NTM: variants seen among roughly 807,000 people sequenced by gnomAD.
NTM encodes the protein neurotrimin, also known as IgLON family member 2.
In NTM, 13 loss-of-function variants were observed where a neutral mutation model predicts 42.1. That is an observed-to-expected ratio of 0.31 (90% CI 0.20 to 0.49). NTM has a LOEUF of 0.49. Among genes scored for constraint, NTM ranks in the 20% least tolerant of loss-of-function variants. The probability of loss-of-function intolerance (pLI) is 0.99; values close to 1 mark genes in which losing one functional copy is unlikely to be tolerated. For missense variants in NTM, 373 were observed against 452.8 expected (o/e 0.82, Z 1.60); for synonymous variants, 187 against 179.2 (o/e 1.04, Z -0.35).
At chr11:131,816,963 T>C (rs2092978708) in intron 1 of NTM, among the ~76,000 whole-genome samples, 1 of 152,188 alleles carries the variant, frequency 6.6e-6, no homozygotes, top group African/African-American at 2.4e-5. Flanking sequence ...ATATTTTACT[T>C]AATCTTCCCT....
intron 3 of NTM, among the ~76,000 whole-genome samples, chr11:132,151,871 C>G (rs1651238725): frequency 6.6e-6 from 1 of 152,188 alleles, no homozygotes; most frequent in African/African-American, 2.4e-5. Flanking sequence ...AGACACCCAG[C>G]CCAGGCAGTG....
intron 2 of NTM, among the ~76,000 whole-genome samples, chr11:132,073,143 C>A (rs2057921137): frequency 6.6e-6 from 1 of 152,140 alleles, no homozygotes; most frequent in African/African-American, 2.4e-5. Context: ...TTTGGCAGTT[C>A]TCTAGGCTAA....
At chr11:132,317,340 CCTTTGTTA>C (rs947024121) in intron 7 of NTM, among the ~76,000 whole-genome samples, 11 of 152,116 alleles carry the variant, frequency 7.2e-5, no homozygotes, top group Admixed American at 6.5e-4. Context: ...AAACTTTAGT[CCTTTGTTA>C]TCCAGTTAGT....
intron 2 of NTM, among the ~76,000 whole-genome samples, chr11:132,103,575 T>C (rs2136604332): frequency 6.6e-6 from 1 of 152,384 alleles, no homozygotes; most frequent in South Asian, 2.1e-4. Context: ...CAGTTACATA[T>C]GGCTGGGGCA....
chr11:132,336,698 G>A lies in NTM; in HGVS notation c.*1552G>A, dbSNP rs750288933. 1 of 151,356 alleles carries A rather than the reference G, an allele frequency of 6.6e-6. No individual in the cohort carries two copies. The highest frequency in any genetic ancestry group is 1.5e-5 in the Non-Finnish European group (1 of 67,782). The allele number at this position is 151,356 out of a possible 1,614,324, so 9.4% of individuals were successfully genotyped here. A position where few individuals can be genotyped will look rare whatever the true frequency, so the allele number is the denominator to read the frequency against. On this transcript the variant is annotated 3_prime_UTR_variant, in exon 9 of 9. Coordinates refer to ENST00000683400, the MANE Select transcript of NTM (RefSeq NM_001352005.2). Reference sequence around the variant, plus strand: ...TTTTTTTTTTTCCCCTCCCCTGAAAGTCTGGGAACCTGAGAGTCCTCGGGG... The same window carrying A: ...TTTTTTTTTTTCCCCTCCCCTGAAAATCTGGGAACCTGAGAGTCCTCGGGG...
In NTM at chr11:131,824,114, A is replaced by G. The variant is rs138388881; in HGVS notation, c.83-87450A>G. On this transcript the variant is annotated intron_variant, in intron 1 of 8. Transcript: ENST00000683400. Reference sequence around the variant, plus strand: ...CAGCTGAGGAGTGAGTTATAAATGAATCTAACAGAGAGACATTTAATTTCC... The same window carrying G: ...CAGCTGAGGAGTGAGTTATAAATGAGTCTAACAGAGAGACATTTAATTTCC... Among the ~76,000 whole-genome samples, 1,427 of 152,328 alleles carry G rather than the reference A, an allele frequency of 9.4e-3. 10 individuals are homozygous for G. The highest frequency in any genetic ancestry group is 0.013 in the Non-Finnish European group (880 of 68,022).
At chr11:131,547,937 G>A (rs565183242) in intron 1 of NTM, among the ~76,000 whole-genome samples, 46 of 152,220 alleles carry the variant, frequency 3.0e-4, no homozygotes, top group African/African-American at 9.9e-4. Context: ...ATGCCTAGGA[G>A]GCGTCCGAAT....
intron 1 of NTM, among the ~76,000 whole-genome samples, chr11:131,695,082 A>G (rs2075282010): frequency 6.6e-6 from 1 of 152,214 alleles, no homozygotes; most frequent in African/African-American, 2.4e-5. Flanking sequence ...GCCAGGGGAA[A>G]CGCACGATGC....
chr11:132,056,326 C>G (rs2079647435), intron 2 of NTM, among the ~76,000 whole-genome samples: 2 of 152,118 alleles, frequency 1.3e-5, no homozygotes, highest in Admixed American at 1.3e-4. Context: ...CACGTCATCC[C>G]CTATCCCCAA....
intron 2 of NTM, among the ~76,000 whole-genome samples, chr11:132,100,018 A>G (rs558789370): frequency 2.0e-5 from 3 of 152,146 alleles, no homozygotes; most frequent in Non-Finnish European, 4.4e-5. Flanking sequence ...CTCCTTTGAG[A>G]CACTGGACTA....
chr11:131,929,338 G>T (rs939467238), intron 2 of NTM, among the ~76,000 whole-genome samples: 5 of 151,534 alleles, frequency 3.3e-5, no homozygotes, highest in South Asian at 2.1e-4. Flanking sequence ...GGGCACATGT[G>T]GGCGGGGCCT....
At chr11:131,478,317 G>A (rs565678608) in intron 1 of NTM, among the ~76,000 whole-genome samples, 5 of 152,212 alleles carry the variant, frequency 3.3e-5, no homozygotes, top group African/African-American at 9.6e-5. Flanking sequence ...TCAAATTTGG[G>A]AATTACCCCC....
intron 1 of NTM, among the ~76,000 whole-genome samples, chr11:131,676,563 G>A (rs765571565): frequency 1.8e-4 from 27 of 152,118 alleles, no homozygotes; most frequent in Non-Finnish European, 3.1e-4. Flanking sequence ...GAGACAGAAG[G>A]TTTTATCAGA....
intron 2 of NTM, among the ~76,000 whole-genome samples, chr11:131,912,636 C>T (rs1191669658): frequency 6.6e-6 from 1 of 152,188 alleles, no homozygotes; most frequent in Admixed American, 6.5e-5. Context: ...TTCATGGGAA[C>T]GATTTCCCTG....
chr11:132,321,107 A>G (rs1199205448), intron 7 of NTM, among the ~76,000 whole-genome samples: 2 of 152,180 alleles, frequency 1.3e-5, no homozygotes, highest in African/African-American at 4.8e-5. Flanking sequence ...GAAACTCTAA[A>G]AAGCTGAGCG....
chr11:132,297,722 ATG>A (rs2094674681), intron 4 of NTM, among the ~76,000 whole-genome samples: 1 of 152,082 alleles, frequency 6.6e-6, no homozygotes, highest in African/African-American at 2.4e-5. Context: ...CTTGGCAGAC[ATG>A]TGAGTTGACA....
chr11:131,510,573 C>G (rs2048101744), intron 1 of NTM, among the ~76,000 whole-genome samples: 1 of 152,170 alleles, frequency 6.6e-6, no homozygotes, highest in South Asian at 2.1e-4. Flanking sequence ...ATAACTTCAG[C>G]CTTAATTTTT....
chr11:132,252,349 C>T (rs2092034450), intron 4 of NTM, among the ~76,000 whole-genome samples: 1 of 152,012 alleles, frequency 6.6e-6, no homozygotes, highest in Admixed American at 6.5e-5. Flanking sequence ...CTTGATATAG[C>T]CCACTGGCTA....
chr11:131,926,215 C>T lies in NTM; in HGVS notation c.167+14567C>T, dbSNP rs117628450. On this transcript the variant is annotated intron_variant, in intron 2 of 8. Transcript: ENST00000683400. Reference sequence around the variant, plus strand: ...TCACTAGAGTCCCTGGCTGAGTAAACAGAGTGCCAGCTGCATTATTTTGTT... The same window carrying T: ...TCACTAGAGTCCCTGGCTGAGTAAATAGAGTGCCAGCTGCATTATTTTGTT... Among the ~76,000 whole-genome samples, 220 of 152,286 alleles carry T rather than the reference C, an allele frequency of 1.4e-3. 1 individual carries two copies. The highest frequency in any genetic ancestry group is 2.4e-3 in the Admixed American group (36 of 15,296).
Sources: allele counts gnomAD v4.1 joint callset (sites outside exome capture counted in the v4.1 genomes callset), GRCh38; gene constraint gnomAD v4.1.1; transcripts MANE v1.5; gene names NCBI Gene and HGNC (gene_info 2026-07-23, HGNC 2026-07-21).